ADAMTSL1: variants seen among roughly 807,000 people sequenced by gnomAD.
The protein encoded by ADAMTSL1 is ADAMTS-like protein 1.
In ADAMTSL1, 126 loss-of-function variants were observed where a neutral mutation model predicts 201.8. That is an observed-to-expected ratio of 0.62 (90% CI 0.54 to 0.72). The LOEUF (loss-of-function observed/expected upper bound fraction) is 0.72. ADAMTSL1 is among the 30% of genes least tolerant of loss of function. The pLI is 0.00. For synonymous variants in ADAMTSL1, 1,121 were observed against 903.4 expected (o/e 1.24, Z -4.32); for missense variants, 2,679 against 2,277.8 (o/e 1.18, Z -3.59).
intron 20 of ADAMTSL1, among the ~76,000 whole-genome samples, chr9:18,800,943 G>A (rs1463794319): frequency 1.3e-5 from 2 of 151,898 alleles, no homozygotes; most frequent in African/African-American, 2.4e-5. Flanking sequence ...AAGAGGTAAT[G>A]GTAGTAATCT....
intron 7 of ADAMTSL1, among the ~76,000 whole-genome samples, chr9:18,647,699 G>T (rs1827910596): frequency 1.3e-5 from 2 of 151,218 alleles, no homozygotes; most frequent in Non-Finnish European, 3.0e-5. Flanking sequence ...GAGTGGTTTT[G>T]AGTGAGATTC....
chr9:18,320,385 A>T (rs1390223852), intron 2 of ADAMTSL1, among the ~76,000 whole-genome samples: 3 of 152,352 alleles, frequency 2.0e-5, no homozygotes, highest in Non-Finnish European at 2.9e-5. Context: ...AGAGAAAAAC[A>T]AGTCCACATA....
At position 18,793,233 on chromosome 9, in the gene ADAMTSL1, T is replaced by C. The variant is rs1822164874; in HGVS notation, c.3678-2164T>C. ...GATTGATTGATGGAAGCCTTACTTC[T>C]ACTTCCTGCCTTTCCTCTGACAGGA... On this transcript the variant is annotated intron_variant, in intron 19 of 28. Transcript: ENST00000380548. The C allele has an allele frequency of 1.3e-5, 2 of 152,254 alleles. 1 individual carries two copies. Among genetic ancestry groups the C allele is most frequent in the South Asian group, 4.1e-4 (2 of 4,832 alleles). The allele number at this position is 152,254 out of a possible 1,614,324, so 9.4% of individuals were successfully genotyped here. A position where few individuals can be genotyped will look rare whatever the true frequency, so the allele number is the denominator to read the frequency against.
At chr9:18,138,084 C>G (rs566867958) in intron 1 of ADAMTSL1, among the ~76,000 whole-genome samples, 2 of 152,024 alleles carry the variant, frequency 1.3e-5, no homozygotes, top group Non-Finnish European at 1.5e-5. Flanking sequence ...ACTTGCTGGC[C>G]GCATGTTCTT....
intron 2 of ADAMTSL1, among the ~76,000 whole-genome samples, chr9:18,380,498 C>G (rs182553973): frequency 6.6e-6 from 1 of 152,292 alleles, no homozygotes; most frequent in Admixed American, 6.5e-5. Flanking sequence ...CCTCCCTTCC[C>G]CCACCAATAA....
intron 2 of ADAMTSL1, among the ~76,000 whole-genome samples, chr9:18,310,852 G>A (rs770930933): frequency 2.4e-4 from 36 of 152,220 alleles, no homozygotes; most frequent in Non-Finnish European, 5.0e-4. Flanking sequence ...TTCCATTACT[G>A]GGTATATACC....
intron 2 of ADAMTSL1, among the ~76,000 whole-genome samples, chr9:18,460,089 T>A (rs546099983): frequency 1.3e-5 from 2 of 152,302 alleles, no homozygotes; most frequent in African/African-American, 4.8e-5. Context: ...GTGGGAAAAC[T>A]GTTGGCACTC....
chr9:18,588,908 T>C (rs546584970), intron 4 of ADAMTSL1, among the ~76,000 whole-genome samples: 1 of 131,876 alleles, frequency 7.6e-6, no homozygotes, highest in South Asian at 2.6e-4. Flanking sequence ...TATATACATA[T>C]ATATACACAT....
intron 2 of ADAMTSL1, among the ~76,000 whole-genome samples, chr9:18,316,598 T>C (rs917879966): frequency 1.3e-5 from 2 of 152,192 alleles, no homozygotes; most frequent in Non-Finnish European, 2.9e-5. Context: ...ATCTCTCTTA[T>C]TCCCTGAACA....
At chr9:18,351,870 C>T (rs534732291) in intron 2 of ADAMTSL1, among the ~76,000 whole-genome samples, 3 of 152,250 alleles carry the variant, frequency 2.0e-5, no homozygotes, top group Middle Eastern at 3.4e-3. Context: ...TAAAGAAATA[C>T]ATTTCTGTAA....
chr9:18,548,787 GAAAT>G (rs2132206916), intron 3 of ADAMTSL1, among the ~76,000 whole-genome samples: 1 of 151,990 alleles, frequency 6.6e-6, no homozygotes, highest in Non-Finnish European at 1.5e-5. Flanking sequence ...AGTAAAGACA[GAAAT>G]AAAGCATTAA....
At chr9:18,289,990 A>G (rs1478763123) in intron 2 of ADAMTSL1, among the ~76,000 whole-genome samples, 5 of 152,190 alleles carry the variant, frequency 3.3e-5, no homozygotes, top group African/African-American at 1.2e-4. Flanking sequence ...CCCTCTAAGA[A>G]AAAGTTAGCA....
intron 23 of ADAMTSL1, among the ~76,000 whole-genome samples, chr9:18,869,931 C>T (rs559831284): frequency 9.2e-5 from 14 of 151,954 alleles, no homozygotes; most frequent in Non-Finnish European, 1.9e-4. Context: ...TATTAGACCT[C>T]AATTTTTTTT....
intron 2 of ADAMTSL1, among the ~76,000 whole-genome samples, chr9:18,514,617 ACCACGCCCAG>A (rs1231488562): frequency 3.3e-5 from 5 of 152,184 alleles, no homozygotes; most frequent in African/African-American, 9.6e-5. Flanking sequence ...GGCGTGAGCC[ACCACGCCCAG>A]CCTGATTTTT....
At chr9:18,166,958 T>C (rs1160439278) in intron 2 of ADAMTSL1, among the ~76,000 whole-genome samples, 1 of 151,938 alleles carries the variant, frequency 6.6e-6, no homozygotes, top group African/African-American at 2.4e-5. Flanking sequence ...AGAAAAACTT[T>C]CTAGCTAGCT....
chr9:18,045,797 T>G (rs539800204), intron 1 of ADAMTSL1, among the ~76,000 whole-genome samples: 1 of 152,100 alleles, frequency 6.6e-6, no homozygotes, highest in African/African-American at 2.4e-5. Flanking sequence ...GTCCTGATAC[T>G]CACTTGGTGC....
intron 1 of ADAMTSL1, among the ~76,000 whole-genome samples, chr9:17,931,571 TGTAA>T (rs1333511935): frequency 6.6e-6 from 1 of 152,202 alleles, no homozygotes; most frequent in African/African-American, 2.4e-5. Context: ...TTTCAAGAAA[TGTAA>T]GTATTTTCCA....
At chr9:18,259,743 G>T (rs749405614) in intron 2 of ADAMTSL1, among the ~76,000 whole-genome samples, 2 of 152,066 alleles carry the variant, frequency 1.3e-5, no homozygotes, top group African/African-American at 2.4e-5. Context: ...CGCCTAATGC[G>T]CTTGTAAGAT....
At chr9:17,956,018 T>C (rs749367481) in intron 1 of ADAMTSL1, among the ~76,000 whole-genome samples, 2 of 152,214 alleles carry the variant, frequency 1.3e-5, no homozygotes, top group Non-Finnish European at 2.9e-5. Context: ...GTTTTGAAAT[T>C]ATTCACCTAA....
Sources: allele counts gnomAD v4.1 joint callset (sites outside exome capture counted in the v4.1 genomes callset), GRCh38; gene constraint gnomAD v4.1.1; transcripts MANE v1.5; gene names NCBI Gene and HGNC (gene_info 2026-07-23, HGNC 2026-07-21).